The following PCDHA6 variants were observed in gnomAD, a reference collection of about 807,000 sequenced individuals.
PCDHA6 encodes the protein protocadherin alpha 6.
A neutral mutation model predicts 60.3 loss-of-function variants in PCDHA6; 55 were observed. The observed-to-expected ratio is 0.91, with a 90% CI of 0.73 to 1.14. PCDHA6 has a LOEUF of 1.14. Ranked by LOEUF, PCDHA6 falls within the 50% of genes most tolerant of loss-of-function variation. PCDHA6 has a pLI of 0.00. For synonymous variants in PCDHA6, 652 were observed against 557.9 expected, an observed-to-expected ratio of 1.17 and a Z score of -2.38; for missense variants, 1,327 against 1,256.5, an observed-to-expected ratio of 1.06 and a Z score of -0.85.
chr5:140,829,850 G>A lies in PCDHA6; in HGVS notation c.1759G>A (p.Ala587Thr), dbSNP rs2150176135. 3.1e-5 allele frequency: 50 copies of A among 1,613,836 alleles called. No homozygotes were observed. Among genetic ancestry groups the A allele is most frequent in the Non-Finnish European group, 4.2e-5 (50 of 1,179,896 alleles). The stretch of plus-strand genomic sequence containing the variant: ...CGAGCTGGTGCCGCGGTCACTGGGT[G>A]CAGGCCAAGTGGTGGCGAAGGTGCG... ...VSELVPRSLG[A>T]GQVVAKVRAV... The change falls in exon 1 of 4, where the codon GCA (alanine) becomes ACA (threonine). Residue 587 changes from alanine (A) to threonine (T), a missense_variant. Transcript: ENST00000529310.
chr5:140,843,622 G>T, intron 1 of PCDHA6: 2 of 1,596,026 alleles, frequency 1.3e-6, no homozygotes, highest in Non-Finnish European at 1.7e-6. Flanking sequence ...CACCGAAGAC[G>T]GACCTCATGG....
chr5:141,001,849 T>C (rs889682000), intron 3 of PCDHA6, among the ~76,000 whole-genome samples: 5 of 151,704 alleles, frequency 3.3e-5, no homozygotes, highest in African/African-American at 7.3e-5. Context: ...GAGAGAGAGG[T>C]TGATTAAATT....
chr5:140,928,168 A>T, intron 1 of PCDHA6: 3 of 1,614,174 alleles, frequency 1.9e-6, no homozygotes, highest in Non-Finnish European at 2.5e-6. Flanking sequence ...ACCCCCACTT[A>T]GCACCCGAAG....
chr5:140,847,542 C>T (rs1442885551), intron 1 of PCDHA6: 1 of 149,324 alleles, frequency 6.7e-6, no homozygotes, highest in African/African-American at 2.5e-5. Flanking sequence ...TCAAGCATAG[C>T]TTTAAAAACA....
intron 1 of PCDHA6, among the ~76,000 whole-genome samples, chr5:140,902,478 T>C (rs190206747): frequency 6.6e-6 from 1 of 152,312 alleles, no homozygotes; most frequent in African/African-American, 2.4e-5. Context: ...AGTTTTTGCC[T>C]GCTCAGTATG....
At chr5:140,899,518 C>T (rs546972156) in intron 1 of PCDHA6, among the ~76,000 whole-genome samples, 145 of 152,230 alleles carry the variant, frequency 9.5e-4, no homozygotes, top group African/African-American at 2.6e-3. Context: ...TATTGCATCC[C>T]AGGGATGAAG....
At chr5:140,903,076 C>T (rs1479702171) in intron 1 of PCDHA6, among the ~76,000 whole-genome samples, 1 of 152,122 alleles carries the variant, frequency 6.6e-6, no homozygotes, top group Admixed American at 6.5e-5. Flanking sequence ...GGGTAGATAC[C>T]TGATAGTGGC....
intron 1 of PCDHA6, chr5:140,834,468 G>T (rs1350848206): frequency 2.5e-6 from 4 of 1,614,146 alleles, no homozygotes; most frequent in Non-Finnish European, 2.5e-6. Flanking sequence ...GGCAGGGAGA[G>T]GCCAGCTCCA....
intron 2 of PCDHA6, among the ~76,000 whole-genome samples, chr5:140,980,920 A>T (rs1040099192): frequency 1.3e-5 from 2 of 152,166 alleles, no homozygotes; most frequent in African/African-American, 4.8e-5. Context: ...TCTTTAAAAA[A>T]TTCTGCTTTG....
chr5:140,953,602 CCA>C (rs1246265860), intron 1 of PCDHA6, among the ~76,000 whole-genome samples: 3 of 152,040 alleles, frequency 2.0e-5, no homozygotes, highest in Admixed American at 6.6e-5. Context: ...TGTTTATTCC[CCA>C]GAGTCCTTAG....
At chr5:140,838,648 A>G (rs1026164992) in intron 1 of PCDHA6, among the ~76,000 whole-genome samples, 1 of 152,158 alleles carries the variant, frequency 6.6e-6, no homozygotes, top group East Asian at 1.9e-4. Context: ...CAAAAAAATG[A>G]TAGTTAACGG....
Position 140,843,852 on chromosome 5 carries a change from T to A in PCDHA6, c.2394+13367T>A, listed in dbSNP as rs1779120193. 7.3e-6 allele frequency: 7 copies of A among 964,906 alleles called. 1 individual carries two copies. The highest frequency in any genetic ancestry group is 1.1e-5 in the Non-Finnish European group (7 of 652,752). 59.8% of individuals were successfully genotyped at this position (964,906 alleles called of 1,614,324 possible). ...TTGTTTAGTTTTTAGAAACCTTTTA[T>A]AATTAATTGAATTTTCTCAGTGGCA... On this transcript the variant is annotated intron_variant, in intron 1 of 3. Transcript: ENST00000529310.
intron 1 of PCDHA6, chr5:140,862,120 A>G (rs898970647): frequency 2.5e-5 from 4 of 161,592 alleles, no homozygotes; most frequent in African/African-American, 7.2e-5. Flanking sequence ...GGATAAATAA[A>G]TGTAAAGATA....
chr5:140,876,411 T>C (rs782457800), intron 1 of PCDHA6: 1 of 1,613,974 alleles, frequency 6.2e-7, no homozygotes, highest in South Asian at 1.1e-5. Flanking sequence ...TTGAAGAGAA[T>C]AATGCCTATG....
chr5:140,966,900 G>T, intron 1 of PCDHA6: 1 of 1,598,802 alleles, frequency 6.3e-7, no homozygotes, highest in Non-Finnish European at 8.5e-7. Context: ...TCCCAGCTGC[G>T]ATACTCTGTG....
intron 1 of PCDHA6, chr5:140,928,931 A>G: frequency 1.9e-6 from 3 of 1,614,150 alleles, no homozygotes; most frequent in Non-Finnish European, 2.5e-6. Flanking sequence ...CTTTCTGCCC[A>G]GAACTTGTAT....
At chr5:140,884,169 C>CG (rs2153400955) in intron 1 of PCDHA6, 1 of 1,613,426 alleles carries the variant, frequency 6.2e-7, no homozygotes, top group East Asian at 2.2e-5. Context: ...ATCAGCACGA[C>CG]GCGCCCTCTG....
intron 1 of PCDHA6, among the ~76,000 whole-genome samples, chr5:140,904,056 G>A (rs1474308111): frequency 6.6e-6 from 1 of 151,944 alleles, no homozygotes; most frequent in Non-Finnish European, 1.5e-5. Context: ...TATTTCAATG[G>A]GTTTTTGGGG....
chr5:140,895,733 G>C (rs1554186620), intron 1 of PCDHA6, among the ~76,000 whole-genome samples: 1 of 152,030 alleles, frequency 6.6e-6, no homozygotes, highest in Non-Finnish European at 1.5e-5. Context: ...CCATTCAATG[G>C]GCTGCAAAGG....
Sources: allele counts gnomAD v4.1 joint callset (sites outside exome capture counted in the v4.1 genomes callset), GRCh38; gene constraint gnomAD v4.1.1; transcripts MANE v1.5; gene names NCBI Gene and HGNC (gene_info 2026-07-23, HGNC 2026-07-21).